The following IGF1R variants were observed in gnomAD, a reference collection of about 807,000 sequenced individuals.
The protein encoded by IGF1R is insulin-like growth factor 1 receptor.
IGF1R carries 44 observed loss-of-function variants against 144.6 expected under a neutral mutation model. The ratio of observed to expected loss-of-function variants is 0.30; its 90% CI spans 0.24 to 0.39. The LOEUF (loss-of-function observed/expected upper bound fraction) is 0.39, where lower values mean the gene tolerates loss of function less well. Among genes scored for constraint, IGF1R ranks in the 10% least tolerant of loss-of-function variants. The probability of loss-of-function intolerance (pLI) is 1.00; values close to 1 mark genes in which losing one functional copy is unlikely to be tolerated. For synonymous variants in IGF1R, 795 were observed against 722.8 expected (o/e 1.10, Z -1.60); for missense variants, 1,355 against 1,833.7 (o/e 0.74, Z 4.77).
chr15:98,766,707 T>C (rs568621867), intron 2 of IGF1R, among the ~76,000 whole-genome samples: 1 of 152,334 alleles, frequency 6.6e-6, no homozygotes, highest in African/African-American at 2.4e-5. Context: ...GTTGATGCGG[T>C]AGTTGTGAGT....
intron 2 of IGF1R, among the ~76,000 whole-genome samples, chr15:98,709,290 C>T (rs1596216809): frequency 2.6e-5 from 4 of 152,218 alleles, no homozygotes; most frequent in African/African-American, 4.8e-5. Context: ...CTTCAGTTCC[C>T]GTTCAACCAG....
At chr15:98,827,034 T>C (rs1247289924) in intron 2 of IGF1R, among the ~76,000 whole-genome samples, 2 of 152,242 alleles carry the variant, frequency 1.3e-5, no homozygotes, top group Non-Finnish European at 2.9e-5. Context: ...TTTTAAAATG[T>C]AATTGCTATG....
chr15:98,888,961 A>G (rs758384896), intron 2 of IGF1R, among the ~76,000 whole-genome samples: 46 of 152,118 alleles, frequency 3.0e-4, no homozygotes, highest in Non-Finnish European at 6.3e-4. Flanking sequence ...AAGCATTACT[A>G]CTGCATTCCA....
chr15:98,767,647 T>G (rs1389975833), intron 2 of IGF1R, among the ~76,000 whole-genome samples: 1 of 152,262 alleles, frequency 6.6e-6, no homozygotes, highest in East Asian at 1.9e-4. Flanking sequence ...TTGAGTTTTT[T>G]GAAACGGTAG....
In IGF1R at chr15:98,935,490, C is replaced by G; in HGVS notation, c.3297+64C>G. Reference sequence around the variant, plus strand: ...CCTGCTCTCTTTTCCTTTATAATCTCCCTGCAAGGAAATGCTGTGTCTTTA... The same window carrying G: ...CCTGCTCTCTTTTCCTTTATAATCTGCCTGCAAGGAAATGCTGTGTCTTTA... On this transcript the variant is annotated intron_variant, in intron 17 of 20. Coordinates refer to ENST00000650285, the MANE Select transcript of IGF1R (RefSeq NM_000875.5). This position sits in a 1 kb window ranked among gnomAD's most constrained non-coding sequence, Gnocchi z 4.2. The G allele has an allele frequency of 2.2e-6, 2 of 891,304 alleles. No homozygotes were observed. Among genetic ancestry groups the G allele is most frequent in the Non-Finnish European group, 3.7e-6 (2 of 545,334 alleles). The allele number at this position is 891,304 out of a possible 1,614,324, so 55.2% of individuals were successfully genotyped here.
intron 2 of IGF1R, among the ~76,000 whole-genome samples, chr15:98,709,925 C>G (rs1390652806): frequency 1.3e-5 from 2 of 152,178 alleles, no homozygotes; most frequent in Non-Finnish European, 2.9e-5. Flanking sequence ...TGATGAGCTA[C>G]TGATTGAAGA....
At chr15:98,943,092 A>C in intron 19 of IGF1R, 40 bp downstream of exon 19, 1 of 1,612,720 alleles carries the variant, frequency 6.2e-7, no homozygotes. Flanking sequence ...TGGAGCCCCC[A>C]GCCTCTGCAC....
At chr15:98,856,350 C>G (rs2011818458) in intron 2 of IGF1R, among the ~76,000 whole-genome samples, 1 of 152,236 alleles carries the variant, frequency 6.6e-6, no homozygotes, top group Non-Finnish European at 1.5e-5. Context: ...GACTATACAT[C>G]TCTAGCCCTG....
At chr15:98,729,311 ATCAT>A (rs1220739774) in intron 2 of IGF1R, among the ~76,000 whole-genome samples, 1 of 152,230 alleles carries the variant, frequency 6.6e-6, no homozygotes, top group Admixed American at 6.5e-5. Flanking sequence ...TGCTGGTTCA[ATCAT>A]TAAGAAGTTT....
chr15:98,741,235 CTTTTTTTTTTTTTTTT>C (rs540942858), intron 2 of IGF1R, among the ~76,000 whole-genome samples: 1 of 70,330 alleles, frequency 1.4e-5, no homozygotes, highest in Non-Finnish European at 2.6e-5. Context: ...TTTTCCTGAG[CTTTTTTTTTTTTTTTT>C]TTTTTTTTTT....
At position 98,687,300 on chromosome 15, in the gene IGF1R, C is replaced by T. The variant is rs112853690; in HGVS notation, c.95-20262C>T. Among the ~76,000 whole-genome samples the T allele has an allele frequency of 4.7e-3, 715 of 152,146 alleles. 10 individuals carry two copies. Among genetic ancestry groups the T allele is most frequent in the African/African-American group, 0.016 (678 of 41,504 alleles). On this transcript the variant is annotated intron_variant, in intron 1 of 20. Coordinates refer to ENST00000650285, the MANE Select transcript of IGF1R (RefSeq NM_000875.5). ...TTGGGGTCCTGTGGCGGTGAAGGGGCGAGTCTGCACCCAGGCGAGTGTTAA... is the reference window on the plus strand; with the variant it reads ...TTGGGGTCCTGTGGCGGTGAAGGGGTGAGTCTGCACCCAGGCGAGTGTTAA...
chr15:98,727,784 AC>A (rs997626799), intron 2 of IGF1R, among the ~76,000 whole-genome samples: 47 of 152,152 alleles, frequency 3.1e-4, no homozygotes, highest in African/African-American at 1.1e-3. Context: ...GGGCTTAGTC[AC>A]TGTGTGGCGG....
intron 1 of IGF1R, among the ~76,000 whole-genome samples, chr15:98,675,070 C>T (rs371229992): frequency 1.5e-5 from 2 of 137,358 alleles, no homozygotes; most frequent in East Asian, 2.4e-4. Context: ...CTCACTTCAA[C>T]CTCTGCCTCC....
chr15:98,855,212 A>G (rs1219861457), intron 2 of IGF1R, among the ~76,000 whole-genome samples: 4 of 152,182 alleles, frequency 2.6e-5, no homozygotes, highest in African/African-American at 9.7e-5. Flanking sequence ...GAGTGAGGAC[A>G]GTCTCATTTA....
In IGF1R at chr15:98,778,499, A is replaced by G. The variant is rs182352855; in HGVS notation, c.640+70392A>G. Among the ~76,000 whole-genome samples the G allele has an allele frequency of 8.8e-4, 134 of 152,312 alleles. 1 individual carries two copies. Among genetic ancestry groups the G allele is most frequent in the Non-Finnish European group, 9.7e-4 (66 of 68,028 alleles). The stretch of plus-strand genomic sequence containing the variant: ...TTTTCATTAGCCAAATGGTGCAGAA[A>G]CCCAGTGGTCACAGTGGCTCTCTAG... On this transcript the variant is annotated intron_variant, in intron 2 of 20. Transcript: ENST00000650285.
chr15:98,964,520 T>C lies in IGF1R; in HGVS notation c.*7078T>C, dbSNP rs2017351091. The C allele has an allele frequency of 4.8e-6, 1 of 207,850 alleles. No homozygotes were observed. The highest frequency in any genetic ancestry group is 9.8e-6 in the Non-Finnish European group (1 of 102,058). 12.9% of individuals were successfully genotyped at this position (207,850 alleles called of 1,614,324 possible). Reference sequence around the variant, plus strand: ...ACATGGTTTAAGTTAAATAAAATAATTCTGTATGCATTTCTGTCTCTGGTT... The same window carrying C: ...ACATGGTTTAAGTTAAATAAAATAACTCTGTATGCATTTCTGTCTCTGGTT... On this transcript the variant is annotated 3_prime_UTR_variant, in exon 21 of 21. Coordinates refer to ENST00000650285, the MANE Select transcript of IGF1R (RefSeq NM_000875.5).
rs1185729909 is a variant in IGF1R, at chr15:98,891,055, A to C, written c.641-270A>C. On this transcript the variant is annotated intron_variant, in intron 2 of 20. Coordinates refer to ENST00000650285, the MANE Select transcript of IGF1R (RefSeq NM_000875.5). The surrounding 1 kb of genome is among the most constrained non-coding windows in gnomAD (Gnocchi z 4.7). Reference sequence around the variant, plus strand: ...TTACAGATGGGAAGAGAGAGGATCAAGATCACAGAAGCTAATGGTTTGTCC... The same window carrying C: ...TTACAGATGGGAAGAGAGAGGATCACGATCACAGAAGCTAATGGTTTGTCC... Among the ~76,000 whole-genome samples, 3 of 152,214 alleles carry C rather than the reference A, an allele frequency of 2.0e-5. No homozygotes were observed. The highest frequency in any genetic ancestry group is 2.9e-5 in the Non-Finnish European group (2 of 68,028).
At chr15:98,650,192 C>T (rs965371520) in intron 1 of IGF1R, among the ~76,000 whole-genome samples, 2 of 152,122 alleles carry the variant, frequency 1.3e-5, no homozygotes, top group African/African-American at 4.8e-5. Flanking sequence ...GAGTTGCCCT[C>T]GAGGGGGGAG....
chr15:98,928,236 A>G (rs995280499), intron 13 of IGF1R, among the ~76,000 whole-genome samples: 2 of 152,160 alleles, frequency 1.3e-5, no homozygotes, highest in Non-Finnish European at 2.9e-5. Flanking sequence ...TCCTGGGGCC[A>G]TGACTTACCA....
Sources: gnomAD v4.1 joint callset for allele counts (sites outside exome capture counted in the v4.1 genomes callset) on GRCh38, gnomAD v4.1.1 for gene constraint, Gnocchi (gnomAD v3.1) non-coding constraint, MANE v1.5 for transcripts, NCBI Gene and HGNC (gene_info 2026-07-23, HGNC 2026-07-21) for gene names.